Variants in DGKZ observed in about 807,000 individuals in gnomAD.
The protein encoded by DGKZ is diacylglycerol kinase zeta.
In DGKZ, 45 loss-of-function variants were observed where a neutral mutation model predicts 142.5. That is an observed-to-expected ratio of 0.32 (90% CI 0.25 to 0.40). The LOEUF (loss-of-function observed/expected upper bound fraction) is 0.40. Ranked by LOEUF, DGKZ falls within the 10% of genes least tolerant of loss-of-function variation. DGKZ has a pLI of 1.00. For missense variants in DGKZ, 755 were observed against 1,306.5 expected (o/e 0.58, Z 6.51); for synonymous variants, 442 against 527.0 (o/e 0.84, Z 2.21).
chr11:46,363,242 G>C (rs764007059), intron 1 of DGKZ, among the ~76,000 whole-genome samples: 33 of 152,190 alleles, frequency 2.2e-4, no homozygotes, highest in Non-Finnish European at 4.4e-4. Context: ...ACCAGGGACA[G>C]AGGTTTCTAT....
At chr11:46,363,931 G>A (rs1942972220) in intron 1 of DGKZ, among the ~76,000 whole-genome samples, 1 of 152,224 alleles carries the variant, frequency 6.6e-6, no homozygotes, top group Non-Finnish European at 1.5e-5. Flanking sequence ...ACTGGCCGTG[G>A]GACTGTGGCA....
upstream of DGKZ, among the ~76,000 whole-genome samples, chr11:46,346,196 T>A (rs912399029): frequency 6.6e-6 from 1 of 152,148 alleles, no homozygotes; most frequent in Non-Finnish European, 1.5e-5. Context: ...GCCCTAAGCA[T>A]TGGCTATTTG....
chr11:46,350,088 A>G (rs1030583386), intron 1 of DGKZ, among the ~76,000 whole-genome samples: 3 of 152,190 alleles, frequency 2.0e-5, no homozygotes, highest in African/African-American at 7.2e-5. Flanking sequence ...GAAGCATGTA[A>G]GGAGTGTCCT....
chr11:46,352,227 C>CT (rs1273575085), intron 1 of DGKZ, among the ~76,000 whole-genome samples: 1 of 152,230 alleles, frequency 6.6e-6, no homozygotes, highest in Non-Finnish European at 1.5e-5. Context: ...CTTCCACCCA[C>CT]TTTAAGGCAG....
chr11:46,366,880 C>G, intron 1 of DGKZ: 1 of 1,548,768 alleles, frequency 6.5e-7, no homozygotes, highest in Non-Finnish European at 8.7e-7. Flanking sequence ...CAGGCACCAC[C>G]GCCGGCACCA....
At chr11:46,335,222 G>A (rs945103428) in intron 1 of DGKZ, among the ~76,000 whole-genome samples, 1 of 151,958 alleles carries the variant, frequency 6.6e-6, no homozygotes, top group Non-Finnish European at 1.5e-5. Flanking sequence ...CCTGAGACAG[G>A]AGAATCACTT....
chr11:46,358,141 T>C (rs1942249604), intron 1 of DGKZ, among the ~76,000 whole-genome samples: 1 of 152,174 alleles, frequency 6.6e-6, no homozygotes, highest in Admixed American at 6.5e-5. Flanking sequence ...TTTGCTGTGC[T>C]GATGGCACAA....
In DGKZ at chr11:46,374,176, A is replaced by C. The variant is rs746121390; in HGVS notation, c.1346A>C (p.Asn449Thr). 6.2e-6 allele frequency: 10 copies of C among 1,614,222 alleles called. No homozygotes were observed. Among genetic ancestry groups the C allele is most frequent in the Non-Finnish European group, 7.6e-6 (9 of 1,180,052 alleles). The stretch of plus-strand genomic sequence containing the variant: ...TTCCAGTTGCCCCTGGATGTCTTCA[A>C]CAACTACTTCAGCCTGGGCTTTGAC... Residue 449 changes from asparagine to threonine, a missense_variant, in exon 15 of 31, where the codon AAC (asparagine) becomes ACC (threonine). Coordinates refer to ENST00000527911, the Ensembl canonical transcript of DGKZ.
At chr11:46,366,782 G>A (rs1241662894) in intron 1 of DGKZ, 81 of 1,547,606 alleles carry the variant, frequency 5.2e-5, no homozygotes, top group Non-Finnish European at 7.0e-5. Flanking sequence ...ATATGACCAC[G>A]CTCTCTGGGG....
intron 16 of DGKZ, 51 bp downstream of exon 16, chr11:46,374,505 C>T: frequency 6.2e-7 from 1 of 1,613,468 alleles, no homozygotes; most frequent in Non-Finnish European, 8.5e-7. Context: ...ACCACCCGTG[C>T]CCGTGCCCAC....
chr11:46,337,705 G>T (rs1477520795), intron 1 of DGKZ, among the ~76,000 whole-genome samples: 1 of 152,098 alleles, frequency 6.6e-6, no homozygotes, highest in Non-Finnish European at 1.5e-5. Context: ...TGACAGTGGA[G>T]CAGGTTTGGA....
upstream of DGKZ, chr11:46,345,636 T>C (rs1388937321): frequency 6.9e-7 from 1 of 1,456,418 alleles, no homozygotes; most frequent in Non-Finnish European, 9.1e-7. This position sits in a 1 kb window ranked among gnomAD's most constrained non-coding sequence, Gnocchi z 4.1. Context: ...TGTCCCTCTA[T>C]GAGCCTTTTA....
intron 1 of DGKZ, among the ~76,000 whole-genome samples, chr11:46,360,547 G>A (rs1300185533): frequency 6.6e-6 from 1 of 152,068 alleles, no homozygotes; most frequent in African/African-American, 2.4e-5. Flanking sequence ...TAGCACTTTG[G>A]GAGGCCGAGG....
At chr11:46,376,950 G>A in intron 24 of DGKZ, 123 bp from the exon 25 acceptor site, 1 of 867,726 alleles carries the variant, frequency 1.2e-6, no homozygotes, top group South Asian at 1.6e-5. Flanking sequence ...AGGGCCCCTT[G>A]CCTGGCCACC....
chr11:46,345,270 T>C (rs1172151398), upstream of DGKZ: 1 of 1,359,610 alleles, frequency 7.4e-7, no homozygotes, highest in Non-Finnish European at 9.4e-7. This position sits in a 1 kb window ranked among gnomAD's most constrained non-coding sequence, Gnocchi z 4.1. Flanking sequence ...TCACGGCAGC[T>C]GGCCCCAGCC....
intron 6 of DGKZ, among the ~76,000 whole-genome samples, chr11:46,370,351 T>G (rs1321695144): frequency 6.6e-6 from 1 of 152,274 alleles, no homozygotes; most frequent in Non-Finnish European, 1.5e-5. Flanking sequence ...TTTCCCACCC[T>G]CCTGAGGACA....
At chr11:46,377,753 G>A in intron 25 of DGKZ, 1 of 253,456 alleles carries the variant, frequency 3.9e-6, no homozygotes. Flanking sequence ...CTCTTCTCTT[G>A]GTTCTTTGAG....
Position 46,372,321 on chromosome 11 carries a change from C to T in DGKZ, c.928-107C>T. ...AGAAAATCCTGTCCTTTCTCCACCC[C>T]TCACCCCTTATTGGCCCTGGTTCCC... On this transcript the variant is annotated intron_variant, in intron 10 of 30. Coordinates refer to ENST00000527911, the Ensembl canonical transcript of DGKZ. This position sits in a 1 kb window ranked among gnomAD's most constrained non-coding sequence, Gnocchi z 5.9. 1.4e-6 allele frequency: 2 copies of T among 1,385,784 alleles called. No individual in the cohort carries two copies. The highest frequency in any genetic ancestry group is 2.4e-5 in the East Asian group (1 of 42,290). 85.8% of individuals were successfully genotyped at this position (1,385,784 alleles called of 1,614,324 possible).
chr11:46,345,185 G>T (rs1292242273), upstream of DGKZ: 14 of 1,131,804 alleles, frequency 1.2e-5, no homozygotes, highest in Non-Finnish European at 1.6e-5. This position sits in a 1 kb window ranked among gnomAD's most constrained non-coding sequence, Gnocchi z 4.1. Flanking sequence ...TCCAGCCCAA[G>T]CAAGCCCCAT....
Sources: gnomAD v4.1 joint callset for allele counts (sites outside exome capture counted in the v4.1 genomes callset) on GRCh38, gnomAD v4.1.1 for gene constraint, Gnocchi (gnomAD v3.1) non-coding constraint, MANE v1.5 for transcripts, NCBI Gene and HGNC (gene_info 2026-07-23, HGNC 2026-07-21) for gene names.